DNAH3: variants seen among roughly 807,000 people sequenced by gnomAD.
The protein encoded by DNAH3 is dynein axonemal heavy chain 3, also known as axonemal beta dynein heavy chain 3.
In DNAH3, 332 loss-of-function variants were observed where a neutral mutation model predicts 432.5. The observed-to-expected ratio is 0.77, with a 90% CI of 0.70 to 0.84. The LOEUF (loss-of-function observed/expected upper bound fraction) is 0.84. Among genes scored for constraint, DNAH3 ranks in the 40% least tolerant of loss-of-function variants. The pLI, the probability that DNAH3 is intolerant of heterozygous loss-of-function variation, is 0.00. For synonymous variants in DNAH3, 1,956 were observed against 1,900.2 expected, an observed-to-expected ratio of 1.03 and a Z score of -0.76; for missense variants, 4,861 against 5,114.0, an observed-to-expected ratio of 0.95 and a Z score of 1.51.
intron 1 of DNAH3, among the ~76,000 whole-genome samples, chr16:21,148,110 C>T (rs7191654): frequency 0.46 from 69,287 of 151,908 alleles, 16,097 homozygotes; most frequent in East Asian, 0.69. Flanking sequence ...TGCAAGATCA[C>T]TGATGAGGGT....
At chr16:20,988,845 G>A (rs553188406) in intron 44 of DNAH3, among the ~76,000 whole-genome samples, 1 of 152,222 alleles carries the variant, frequency 6.6e-6, no homozygotes, top group Non-Finnish European at 1.5e-5. Context: ...TTTTCCTTCT[G>A]GTGGGTTCGT....
rs757416421 is a variant in DNAH3 at position 21,058,215 on chromosome 16, C to A, written c.3814-19G>T. ...GAGGGACCTGGAAAAGCACAGTGGGCATGTTATAGGATCAGTTCACGTGTG... is the reference window on the plus strand; with the variant it reads ...GAGGGACCTGGAAAAGCACAGTGGGAATGTTATAGGATCAGTTCACGTGTG... On this transcript the variant is annotated intron_variant, in intron 26 of 61. Coordinates refer to ENST00000261383, the Ensembl canonical transcript of DNAH3. 2 of 1,455,770 alleles carry A rather than the reference C, an allele frequency of 1.4e-6. No individual in the cohort carries two copies. Among genetic ancestry groups the A allele is most frequent in the Admixed American group, 1.7e-5 (1 of 59,672 alleles). The allele number at this position is 1,455,770 out of a possible 1,614,324, so 90.2% of individuals were successfully genotyped here. A position where few individuals can be genotyped will look rare whatever the true frequency, so the allele number is the denominator to read the frequency against.
intron 19 of DNAH3, among the ~76,000 whole-genome samples, chr16:21,086,297 T>C (rs2091369673): frequency 6.6e-6 from 1 of 152,174 alleles, no homozygotes; most frequent in African/African-American, 2.4e-5. Flanking sequence ...ATCCCAGCTA[T>C]TTTTAAGGAG....
At chr16:21,146,082 T>G in exon 2 of DNAH3, 1 of 1,610,484 alleles carries the variant, frequency 6.2e-7, no homozygotes, top group Middle Eastern at 1.7e-4. Flanking sequence ...GAGTCACTTT[T>G]GGCGATCTGT....
chr16:21,133,572 C>T (rs1395637500), intron 7 of DNAH3, among the ~76,000 whole-genome samples: 2 of 151,970 alleles, frequency 1.3e-5, no homozygotes, highest in African/African-American at 4.8e-5. Context: ...GAAACCCCAT[C>T]TTGACTAAAG....
rs374589091 is a variant in DNAH3 at position 21,141,386 on chromosome 16, G to A, written c.449-14C>T. ...AGCTTCTATTTCCTGGAAGAATGGA[G>A]AAGAAAGACATCAGTGATGGGCAAT... On this transcript the variant is annotated splice_polypyrimidine_tract_variant and intron_variant, in intron 3 of 61. Transcript: ENST00000261383. 72 of 1,576,446 alleles carry A rather than the reference G, an allele frequency of 4.6e-5. 1 individual carries two copies. In the Middle Eastern group the frequency reaches 6.6e-4, roughly 14 times the overall value.
In DNAH3 at chr16:21,031,027, A is replaced by G; in HGVS notation, c.5439+18T>C. 2 of 1,613,264 alleles carry G rather than the reference A, an allele frequency of 1.2e-6. No homozygotes were observed. Among genetic ancestry groups the G allele is most frequent in the Non-Finnish European group, 1.7e-6 (2 of 1,179,358 alleles). ...TATGTCTCACTCATGGAAAAGTCAT[A>G]TCAGGGTCAATACTTACCTTTTTAT... On this transcript the variant is annotated intron_variant, in intron 37 of 61. Transcript: ENST00000261383.
At chr16:21,067,520 GTCCAGCTAACTGCC>G in intron 23 of DNAH3, 101 bp from the exon 24 acceptor site, 1 of 1,309,490 alleles carries the variant, frequency 7.6e-7, no homozygotes, top group Non-Finnish European at 1.1e-6. Context: ...AGCACTCCTT[GTCCAGCTAACTGCC>G]TCCTGATCCC....
intron 37 of DNAH3, among the ~76,000 whole-genome samples, chr16:21,028,056 C>T (rs968180281): frequency 2.0e-5 from 3 of 152,122 alleles, no homozygotes; most frequent in Non-Finnish European, 4.4e-5. Context: ...GACACATTTG[C>T]AATCACTCCA....
chr16:20,961,899 A>G (rs1567533326), intron 53 of DNAH3, among the ~76,000 whole-genome samples: 1 of 151,080 alleles, frequency 6.6e-6, no homozygotes, highest in African/African-American at 2.4e-5. Context: ...AGTAGCTCAC[A>G]CCAGTAATCC....
intron 41 of DNAH3, among the ~76,000 whole-genome samples, chr16:21,004,687 C>T (rs2087193489): frequency 2.0e-5 from 3 of 151,576 alleles, no homozygotes; most frequent in Non-Finnish European, 4.4e-5. Flanking sequence ...CTCTTTCTTT[C>T]CTTCCCTTTC....
intron 56 of DNAH3, among the ~76,000 whole-genome samples, chr16:20,952,025 G>A (rs1261438483): frequency 1.3e-5 from 2 of 151,966 alleles, no homozygotes; most frequent in Admixed American, 6.6e-5. Context: ...TTACAGGCGT[G>A]AGCCACCACG....
chr16:20,964,758 G>A, exon 53 of DNAH3: 1 of 1,614,098 alleles, frequency 6.2e-7, no homozygotes, highest in South Asian at 1.1e-5. Flanking sequence ...CTAACGTGTG[G>A]CTGAGACTGA....
intron 29 of DNAH3, among the ~76,000 whole-genome samples, chr16:21,050,442 T>C (rs1195597839): frequency 2.6e-5 from 4 of 152,068 alleles, no homozygotes; most frequent in Non-Finnish European, 5.9e-5. Flanking sequence ...GATTATGAAT[T>C]CTTTTTTTTC....
At chr16:21,026,177 C>T (rs2088545535) in intron 38 of DNAH3, among the ~76,000 whole-genome samples, 1 of 151,992 alleles carries the variant, frequency 6.6e-6, no homozygotes, top group African/African-American at 2.4e-5. Flanking sequence ...GAATGGCTGG[C>T]TCTTGGGCAT....
In DNAH3 at chr16:20,964,089, G is replaced by A. The variant is rs1351228870; in HGVS notation, c.9795C>T (p.Ser3265=). 9 of 1,614,062 alleles carry A rather than the reference G, an allele frequency of 5.6e-6. No homozygotes were observed. In the Admixed American group the frequency reaches 1.3e-4, roughly 24 times the overall value. The change falls in exon 53 of 62, where the codon TCC becomes TCT. Residue 3265 remains serine, a synonymous_variant. Coordinates refer to ENST00000261383, the Ensembl canonical transcript of DNAH3. ...AGATCTCTTCAGATAGCACTTTGGA[G>A]GAGGACAGAACTTTGATGGCGGTTT...
At chr16:20,960,345 T>C (rs1356701479) in intron 53 of DNAH3, among the ~76,000 whole-genome samples, 1 of 152,088 alleles carries the variant, frequency 6.6e-6, no homozygotes, top group Non-Finnish European at 1.5e-5. Context: ...ACCGAGACAC[T>C]TGCATAAAGT....
intron 59 of DNAH3, among the ~76,000 whole-genome samples, chr16:20,937,896 A>C (rs1471653401): frequency 6.6e-6 from 1 of 152,134 alleles, no homozygotes; most frequent in Non-Finnish European, 1.5e-5. Context: ...GGGAGATGTC[A>C]AATTCACCTG....
intron 1 of DNAH3, among the ~76,000 whole-genome samples, chr16:21,154,045 C>T (rs574078975): frequency 3.3e-5 from 5 of 152,298 alleles, no homozygotes; most frequent in East Asian, 1.9e-4. Context: ...ATTATCAGGT[C>T]TCCTATACTG....
Sources: allele counts gnomAD v4.1 joint callset (sites outside exome capture counted in the v4.1 genomes callset), GRCh38; gene constraint gnomAD v4.1.1; transcripts MANE v1.5; gene names NCBI Gene and HGNC (gene_info 2026-07-23, HGNC 2026-07-21).